SLC36A1: variants seen among roughly 807,000 people sequenced by gnomAD.
The protein encoded by SLC36A1 is proton-coupled amino acid transporter 1.
A neutral mutation model predicts 47.5 loss-of-function variants in SLC36A1; 30 were observed. That is an observed-to-expected ratio of 0.63 (90% CI 0.47 to 0.86). SLC36A1 has a LOEUF of 0.86. SLC36A1 is among the 40% of genes least tolerant of loss of function. The probability of loss-of-function intolerance (pLI) is 0.00; values close to 1 mark genes in which losing one functional copy is unlikely to be tolerated. For missense variants in SLC36A1, 517 were observed against 606.0 expected (o/e 0.85, Z 1.54); for synonymous variants, 255 against 249.7 (o/e 1.02, Z -0.20).
At chr5:151,453,390 A>AT (rs1345113472) in intron 1 of SLC36A1, among the ~76,000 whole-genome samples, 1 of 151,578 alleles carries the variant, frequency 6.6e-6, no homozygotes, top group Non-Finnish European at 1.5e-5. Flanking sequence ...ATATTTCACA[A>AT]TTTTTTTGTT....
chr5:151,406,669 A>G, the SLC36A1 span: 2 of 152,254 alleles, frequency 1.3e-5, no homozygotes, highest in Admixed American at 6.5e-5. Flanking sequence ...AGAGCTCCAC[A>G]TGGGCTGAAC....
intron 7 of SLC36A1, chr5:151,469,103 AT>A (rs202089396): frequency 0.024 from 10,438 of 432,154 alleles, 72 homozygotes; most frequent in Non-Finnish European, 0.03. Context: ...AAAAAAAAAA[AT>A]ACTTAAATTC....
chr5:151,438,705 C>T (rs1427487908), intron 1 of SLC36A1, among the ~76,000 whole-genome samples: 1 of 152,168 alleles, frequency 6.6e-6, no homozygotes, highest in Non-Finnish European at 1.5e-5. Flanking sequence ...ATATGCTCTG[C>T]AGGTCTCTGT....
chr5:151,553,049 G>T, the SLC36A1 span: 2 of 844,538 alleles, frequency 2.4e-6, no homozygotes, highest in Non-Finnish European at 1.9e-6. Flanking sequence ...TCCCCACTCC[G>T]GGCTGAAAGA....
At chr5:151,536,651 A>G in the SLC36A1 span, among the ~76,000 whole-genome samples, 2 of 152,142 alleles carry the variant, frequency 1.3e-5, no homozygotes. Context: ...ACTCTGCTCT[A>G]TCTCTTGGCT....
intron 1 of SLC36A1, among the ~76,000 whole-genome samples, chr5:151,439,901 A>AT: frequency 6.6e-6 from 1 of 152,160 alleles, no homozygotes; most frequent in South Asian, 2.1e-4. Flanking sequence ...TAGGAATTTT[A>AT]TTTTTTCTAA....
intron 8 of SLC36A1, among the ~76,000 whole-genome samples, chr5:151,474,183 A>AAAAAATTATCTTC (rs1561770143): frequency 6.9e-6 from 1 of 145,372 alleles, no homozygotes; most frequent in African/African-American, 2.8e-5. Context: ...AAAAAAAGAA[A>AAAAAATTATCTTC]TTATCTTCTG....
Position 151,473,558 on chromosome 5 carries a change from T to G in SLC36A1, c.724-115T>G, listed in dbSNP as rs146473941. ...TCTGTCAGGTATTAGACTTTCTTCC[T>G]TTAGAGAATCTTGGATTTGTTAAAA... On this transcript the variant is annotated intron_variant, in intron 7 of 10. Coordinates refer to ENST00000243389, the MANE Select transcript of SLC36A1 (RefSeq NM_078483.4). The G allele has an allele frequency of 2.2e-5, 15 of 684,720 alleles. No homozygotes were observed. The East Asian group carries it at 3.9e-4, about 18-fold the overall frequency. 42.4% of individuals were successfully genotyped at this position (684,720 alleles called of 1,614,324 possible).
chr5:151,370,433 T>C, the SLC36A1 span, among the ~76,000 whole-genome samples: 1 of 152,114 alleles, frequency 6.6e-6, no homozygotes, highest in Admixed American at 6.5e-5. Context: ...TAGGCTCCAT[T>C]CATGTTGTTA....
the SLC36A1 span, among the ~76,000 whole-genome samples, chr5:151,535,058 T>C: frequency 8.2e-4 from 122 of 148,734 alleles, 5 homozygotes; most frequent in East Asian, 0.024. Context: ...GGATATTCTC[T>C]GCAGCACTGT....
intron 1 of SLC36A1, among the ~76,000 whole-genome samples, chr5:151,452,910 A>G (rs974350233): frequency 1.3e-4 from 19 of 150,860 alleles, no homozygotes; most frequent in African/African-American, 4.6e-4. Context: ...AACAACAACA[A>G]AAAAACATAG....
the SLC36A1 span, among the ~76,000 whole-genome samples, chr5:151,535,904 T>C: frequency 5.9e-5 from 9 of 152,188 alleles, no homozygotes; most frequent in Non-Finnish European, 8.8e-5. Flanking sequence ...TTGCTGATGA[T>C]TGGTGTGGTG....
the SLC36A1 span, chr5:151,554,735 A>ACCC: frequency 7.9e-7 from 1 of 1,264,130 alleles, no homozygotes; most frequent in African/African-American, 1.6e-5. Flanking sequence ...ACTATGCTTT[A>ACCC]ACAACCTGGA....
chr5:151,488,925 A>G lies in SLC36A1; in HGVS notation c.*671A>G, dbSNP rs1441685988. On this transcript the variant is annotated 3_prime_UTR_variant, in exon 11 of 11. Coordinates refer to ENST00000243389, the MANE Select transcript of SLC36A1 (RefSeq NM_078483.4). ...GTTGCTTTAGCTCTTAAAACATACG[A>G]AGTGTTGCCTAAACTGAAAATATTT... The G allele has an allele frequency of 1.3e-5, 2 of 152,222 alleles. No individual in the cohort carries two copies. The highest frequency in any genetic ancestry group is 6.5e-5 in the Admixed American group (1 of 15,282). 9.4% of individuals were successfully genotyped at this position (152,222 alleles called of 1,614,324 possible).
intron 7 of SLC36A1, 31 bp downstream of exon 7, chr5:151,467,956 G>A: frequency 6.3e-7 from 1 of 1,590,898 alleles, no homozygotes; most frequent in East Asian, 2.2e-5. Flanking sequence ...CTATCATCTT[G>A]GTTCAATATT....
the SLC36A1 span, chr5:151,543,182 G>A: frequency 6.2e-7 from 1 of 1,614,186 alleles, no homozygotes; most frequent in Non-Finnish European, 8.5e-7. Context: ...AATCCCACCA[G>A]GCTGTCTTTC....
intron 7 of SLC36A1, among the ~76,000 whole-genome samples, chr5:151,470,652 C>T (rs761756259): frequency 6.6e-6 from 1 of 152,228 alleles, no homozygotes; most frequent in Non-Finnish European, 1.5e-5. Flanking sequence ...GCTAAAGATG[C>T]TCCCTTTAGG....
chr5:151,512,469 C>G, the SLC36A1 span: 1 of 1,614,248 alleles, frequency 6.2e-7, no homozygotes, highest in Admixed American at 1.7e-5. The surrounding 1 kb of genome is among the most constrained non-coding windows in gnomAD (Gnocchi z 4.1). Flanking sequence ...TGCTGTCAAC[C>G]ATCAGGCGAA....
At chr5:151,349,509 C>G in the SLC36A1 span, among the ~76,000 whole-genome samples, 1 of 152,068 alleles carries the variant, frequency 6.6e-6, no homozygotes, top group Non-Finnish European at 1.5e-5. Flanking sequence ...ATATTATTCC[C>G]CTTCAAACTC....
Sources: gnomAD v4.1 joint callset for allele counts (sites outside exome capture counted in the v4.1 genomes callset) on GRCh38, gnomAD v4.1.1 for gene constraint, Gnocchi (gnomAD v3.1) non-coding constraint, MANE v1.5 for transcripts, NCBI Gene and HGNC (gene_info 2026-07-23, HGNC 2026-07-21) for gene names.